IL1RL2: variants seen among roughly 807,000 people sequenced by gnomAD.
IL1RL2 encodes interleukin-1 receptor-like 2.
IL1RL2 carries 68 observed loss-of-function variants against 66.8 expected under a neutral mutation model. The observed-to-expected ratio is 1.02, with a 90% CI of 0.84 to 1.25. The LOEUF is 1.25. Among genes scored for constraint, IL1RL2 ranks in the 50% most tolerant of loss-of-function variants. IL1RL2 has a pLI of 0.00. For missense variants in IL1RL2, 729 were observed against 709.3 expected, an observed-to-expected ratio of 1.03 and a Z score of -0.32; for synonymous variants, 305 against 264.6, an observed-to-expected ratio of 1.15 and a Z score of -1.48.
chr2:102,240,408 G>C (rs1449361300), downstream of IL1RL2, among the ~76,000 whole-genome samples: 3 of 63,524 alleles, frequency 4.7e-5, no homozygotes, highest in Admixed American at 2.6e-4. Flanking sequence ...TTTCGCTTTT[G>C]TCACCGAGGC....
chr2:102,212,295 G>A lies in IL1RL2; in HGVS notation c.724+121G>A, dbSNP rs1689238859. The A allele has an allele frequency of 3.2e-5, 22 of 692,630 alleles. No homozygotes were observed. In the South Asian group the frequency reaches 4.0e-4, roughly 13 times the overall value. The allele number at this position is 692,630 out of a possible 1,614,324, so 42.9% of individuals were successfully genotyped here. A position where few individuals can be genotyped will look rare whatever the true frequency, so the allele number is the denominator to read the frequency against. On this transcript the variant is annotated intron_variant, in intron 6 of 11. Coordinates refer to ENST00000264257, the MANE Select transcript of IL1RL2 (RefSeq NM_003854.4). Reference sequence around the variant, plus strand: ...AAATCCTATACACACCCAGTTTCCAGCTTTGGATATACGTGAGCTCATGGG... The same window carrying A: ...AAATCCTATACACACCCAGTTTCCAACTTTGGATATACGTGAGCTCATGGG...
intron 6 of IL1RL2, 46 bp downstream of exon 6, chr2:102,212,220 C>T: frequency 7.6e-7 from 1 of 1,314,186 alleles, no homozygotes; most frequent in Non-Finnish European, 1.1e-6. Flanking sequence ...GGGAAGAGCT[C>T]ATTATGTTTG....
chr2:102,223,568 T>G (rs1295165870), intron 8 of IL1RL2, among the ~76,000 whole-genome samples: 1 of 152,308 alleles, frequency 6.6e-6, no homozygotes. Flanking sequence ...ATTGATGTCC[T>G]GTTTCCAATT....
intron 9 of IL1RL2, among the ~76,000 whole-genome samples, chr2:102,230,319 A>G (rs1317422379): frequency 6.6e-6 from 1 of 152,214 alleles, no homozygotes; most frequent in African/African-American, 2.4e-5. Context: ...GTGCTATGAA[A>G]TTTCACACAG....
intron 9 of IL1RL2, among the ~76,000 whole-genome samples, chr2:102,230,451 G>T (rs1279099317): frequency 6.6e-6 from 1 of 152,156 alleles, no homozygotes; most frequent in East Asian, 1.9e-4. Context: ...TTTTGTACCT[G>T]CCCTGTGATC....
At chr2:102,226,685 G>A (rs1424463352) in intron 9 of IL1RL2, among the ~76,000 whole-genome samples, 1 of 152,030 alleles carries the variant, frequency 6.6e-6, no homozygotes, top group Non-Finnish European at 1.5e-5. Flanking sequence ...AGGAAGGAAA[G>A]GAGAGAGGGA....
intron 9 of IL1RL2, among the ~76,000 whole-genome samples, chr2:102,230,756 C>A (rs530503964): frequency 6.6e-6 from 1 of 152,214 alleles, no homozygotes; most frequent in East Asian, 1.9e-4. Flanking sequence ...CATGTGCATG[C>A]GTGTGTGTTT....
In IL1RL2 at chr2:102,234,984, TGAA is replaced by T. The variant is rs1301606868; in HGVS notation, c.1389_1391del (p.Lys463del). Reference sequence around the variant, plus strand: ...CCCGAATCGCTGGGCTTTGGCCTGTTGAAGAACCTGTCAGAAGAACAAATCGCG... The same window carrying T: ...CCCGAATCGCTGGGCTTTGGCCTGTTGAACCTGTCAGAAGAACAAATCGCG... On this transcript the variant is annotated inframe_deletion, in exon 11 of 12. Transcript: ENST00000264257. The T allele has an allele frequency of 6.2e-7, 1 of 1,614,198 alleles. No individual in the cohort carries two copies. Among genetic ancestry groups the T allele is most frequent in the South Asian group, 1.1e-5 (1 of 91,082 alleles).
Position 102,233,039 on chromosome 2 carries a change from G to C in IL1RL2, c.1212G>C (p.Leu404=). ...KESQRHAVDA[L]VLNILPEVLE... The stretch of plus-strand genomic sequence containing the variant: ...GCCAGAGGCATGCCGTGGATGCCCT[G>C]GTGTTGAATATCCTGCCCGAGGTGT... The change falls in exon 10 of 12, where the codon CTG becomes CTC. Residue 404 remains leucine, a synonymous_variant. Coordinates refer to ENST00000264257, the MANE Select transcript of IL1RL2 (RefSeq NM_003854.4). The C allele has an allele frequency of 3.1e-6, 5 of 1,614,114 alleles. No individual in the cohort carries two copies. Among genetic ancestry groups the C allele is most frequent in the Non-Finnish European group, 4.2e-6 (5 of 1,179,980 alleles).
chr2:102,215,844 A>T (rs954731922), intron 6 of IL1RL2, among the ~76,000 whole-genome samples: 5 of 152,204 alleles, frequency 3.3e-5, no homozygotes, highest in Admixed American at 3.3e-4. Flanking sequence ...TATCCAACTG[A>T]CATGCTAGGA....
intron 6 of IL1RL2, among the ~76,000 whole-genome samples, chr2:102,217,033 A>G (rs1178254731): frequency 6.6e-6 from 1 of 152,104 alleles, no homozygotes; most frequent in Non-Finnish European, 1.5e-5. Flanking sequence ...GATATTCTGA[A>G]TTTGATTTTG....
chr2:102,219,427 T>C (rs887700951), intron 7 of IL1RL2, among the ~76,000 whole-genome samples: 4 of 152,200 alleles, frequency 2.6e-5, no homozygotes, highest in African/African-American at 9.7e-5. Context: ...AGTAGTATAG[T>C]TCTTTGCTAT....
Position 102,189,229 on chromosome 2 carries a change from C to G in IL1RL2, c.212C>G (p.Ser71Cys), listed in dbSNP as rs746652278. The G allele has an allele frequency of 1.9e-5, 30 of 1,613,920 alleles. No individual in the cohort carries two copies. The highest frequency in any genetic ancestry group is 2.5e-5 in the Non-Finnish European group (30 of 1,179,984). Residue 71 changes from serine (S) to cysteine (C), a missense_variant, in exon 3 of 12, where the codon TCT (serine) becomes TGT (cysteine). Coordinates refer to ENST00000264257, the MANE Select transcript of IL1RL2 (RefSeq NM_003854.4). The stretch of plus-strand genomic sequence containing the variant: ...ATCCCAGTGTCCAAAATCATACAGT[C>G]TAGAATTCACCAGGACGAGACTTGG... ...SKIPVSKIIQ[S>C]RIHQDETWIL...
rs144738002 is a variant in IL1RL2 at position 102,239,200 on chromosome 2, C to T, written c.1687C>T (p.Leu563=). Residue 563 remains leucine, a synonymous_variant, in exon 12 of 12, where the codon CTA becomes TTA. Coordinates refer to ENST00000264257, the MANE Select transcript of IL1RL2 (RefSeq NM_003854.4). ...TPCYRTAGPE[L]GSRRKKCTLT... is the part of the protein sequence containing the mutation. ...ATCTTTCCTGATTTCAGGCCCAGAA[C>T]TAGGCTCAAGAAGAAAGAAGTGTAC... 100 of 1,614,026 alleles carry T rather than the reference C, an allele frequency of 6.2e-5. No homozygotes were observed. In the African/African-American group the frequency reaches 1.2e-3, roughly 19 times the overall value.
intron 5 of IL1RL2, among the ~76,000 whole-genome samples, chr2:102,206,813 CA>C (rs772271158): frequency 6.6e-6 from 1 of 152,250 alleles, no homozygotes; most frequent in Non-Finnish European, 1.5e-5. Flanking sequence ...TCCCTCCCAT[CA>C]TGGCTGATTG....
intron 8 of IL1RL2, among the ~76,000 whole-genome samples, chr2:102,224,183 T>C (rs529244541): frequency 1.3e-5 from 2 of 152,228 alleles, no homozygotes; most frequent in African/African-American, 4.8e-5. Context: ...ACTAAAAATA[T>C]AACAACCATA....
At chr2:102,234,726 G>A (rs1268615051) in intron 10 of IL1RL2, among the ~76,000 whole-genome samples, 171 bp from the exon 11 acceptor site, 1 of 152,100 alleles carries the variant, frequency 6.6e-6, no homozygotes, top group African/African-American at 2.4e-5. Flanking sequence ...GGTGGAGGTT[G>A]CAGTGAGCTG....
chr2:102,200,891 G>A (rs1026545745), intron 4 of IL1RL2, among the ~76,000 whole-genome samples: 2 of 152,134 alleles, frequency 1.3e-5, no homozygotes, highest in African/African-American at 4.8e-5. Context: ...GAAGTGATGT[G>A]ACATCTGCCC....
intron 6 of IL1RL2, 22 bp downstream of exon 6, chr2:102,212,196 A>T: frequency 6.6e-7 from 1 of 1,519,568 alleles, no homozygotes; most frequent in Non-Finnish European, 9.1e-7. Flanking sequence ...TATTGAAGCC[A>T]TTGAAATCAC....
Sources: allele counts gnomAD v4.1 joint callset (sites outside exome capture counted in the v4.1 genomes callset), GRCh38; gene constraint gnomAD v4.1.1; transcripts MANE v1.5; gene names NCBI Gene and HGNC (gene_info 2026-07-23, HGNC 2026-07-21).